ZNF438: variants seen among roughly 807,000 people sequenced by gnomAD.
ZNF438 encodes zinc finger protein 438.
Under a neutral mutation model 38.0 loss-of-function variants are expected in ZNF438, and 25 were observed. The observed-to-expected ratio is 0.66, with a 90% CI of 0.48 to 0.92. The LOEUF is 0.92. Ranked by LOEUF, ZNF438 falls within the 40% of genes least tolerant of loss-of-function variation. The pLI is 0.00. For synonymous variants in ZNF438, 372 were observed against 364.1 expected, an observed-to-expected ratio of 1.02 and a Z score of -0.25; for missense variants, 1,007 against 999.6, an observed-to-expected ratio of 1.01 and a Z score of -0.10.
chr10:30,992,030 T>C (rs2053556363), intron 1 of ZNF438, among the ~76,000 whole-genome samples: 1 of 152,186 alleles, frequency 6.6e-6, no homozygotes, highest in African/African-American at 2.4e-5. Flanking sequence ...CTTGCTTCGC[T>C]CAGGAGTGAC....
chr10:31,010,892 GAAAAAA>G (rs563189482), intron 1 of ZNF438, among the ~76,000 whole-genome samples: 39 of 92,580 alleles, frequency 4.2e-4, no homozygotes, highest in African/African-American at 1.4e-3. Flanking sequence ...GACCCTGTTT[GAAAAAA>G]AAAAAAAAAA....
intron 1 of ZNF438, among the ~76,000 whole-genome samples, chr10:30,977,169 G>C (rs2051459746): frequency 6.6e-6 from 1 of 152,062 alleles, no homozygotes; most frequent in Admixed American, 6.5e-5. Context: ...AGGAACTCTT[G>C]GCATGTAATC....
chr10:31,015,877 G>T (rs1368612279), intron 1 of ZNF438, among the ~76,000 whole-genome samples: 1 of 152,176 alleles, frequency 6.6e-6, no homozygotes, highest in East Asian at 1.9e-4. Context: ...CAGGTGAAAA[G>T]AGAGCTCTGG....
intron 4 of ZNF438, among the ~76,000 whole-genome samples, chr10:30,867,157 T>C (rs1260712873): frequency 6.6e-6 from 1 of 152,124 alleles, no homozygotes; most frequent in Non-Finnish European, 1.5e-5. Flanking sequence ...AATATCCCCT[T>C]CCTTTCTGAC....
At position 30,950,993 on chromosome 10, in the gene ZNF438, T is replaced by C. The variant is rs1253486769; in HGVS notation, c.-191-9342A>G. On this transcript the variant is annotated intron_variant, in intron 1 of 5. Transcript: ENST00000413025. ...TCCTTGATGAACATTGATGCAAAAATCCTCAATAAAATACTGGCAAAACGA... is the reference window on the plus strand; with the variant it reads ...TCCTTGATGAACATTGATGCAAAAACCCTCAATAAAATACTGGCAAAACGA... 2.9e-5 allele frequency among the ~76,000 whole-genome samples: 4 copies of C among 139,356 alleles called. No homozygotes were observed. The Admixed American group carries it at 2.9e-4, about 10-fold the overall frequency. 91.4% of individuals were successfully genotyped at this position (139,356 alleles called of 152,430 possible).
chr10:30,880,395 C>T (rs1440535600), intron 3 of ZNF438, among the ~76,000 whole-genome samples: 3 of 141,416 alleles, frequency 2.1e-5, no homozygotes, highest in Non-Finnish European at 4.5e-5. Flanking sequence ...TGTGCTATTG[C>T]ACTCCAGCCT....
intron 4 of ZNF438, among the ~76,000 whole-genome samples, chr10:30,866,845 A>AT (rs1308903678): frequency 7.0e-6 from 1 of 142,736 alleles, no homozygotes; most frequent in Non-Finnish European, 1.5e-5. Context: ...AAAAAAAAAA[A>AT]CCAAAAACGA....
rs116856909 is a variant in ZNF438, at chr10:30,930,558, G to A, written c.-115+11017C>T. ...GGACGCCATGGCCTGAGGAGGTGCC[G>A]AGAGCAAGCGAGGGCTGCTGGCATG... On this transcript the variant is annotated intron_variant, in intron 2 of 5. Coordinates refer to ENST00000413025, the Ensembl canonical transcript of ZNF438. Among the ~76,000 whole-genome samples, 64 of 152,016 alleles carry A rather than the reference G, an allele frequency of 4.2e-4. No individual in the cohort carries two copies. The East Asian group carries it at 8.6e-3, about 20-fold the overall frequency.
chr10:31,005,089 T>A (rs2054998027), intron 1 of ZNF438, among the ~76,000 whole-genome samples: 1 of 152,108 alleles, frequency 6.6e-6, no homozygotes, highest in Non-Finnish European at 1.5e-5. Context: ...ACCATATGAC[T>A]CAGCAATTCC....
intron 2 of ZNF438, among the ~76,000 whole-genome samples, chr10:30,939,160 ATAAAG>A (rs1158013524): frequency 6.6e-6 from 1 of 152,226 alleles, no homozygotes; most frequent in South Asian, 2.1e-4. Flanking sequence ...AGTATTAAGC[ATAAAG>A]TAGACACTCA....
intron 2 of ZNF438, among the ~76,000 whole-genome samples, chr10:30,910,606 A>AACTTTATATGTTAGTATTGATATAGCAC (rs2042979112): frequency 6.6e-6 from 1 of 151,618 alleles, no homozygotes; most frequent in African/African-American, 2.4e-5. Flanking sequence ...GGCAGAAAGC[A>AACTTTATATGTTAGTATTGATATAGCAC]ACTTTATATG....
intron 1 of ZNF438, among the ~76,000 whole-genome samples, chr10:30,995,383 A>G (rs2053941360): frequency 6.6e-6 from 1 of 152,226 alleles, no homozygotes; most frequent in African/African-American, 2.4e-5. Flanking sequence ...AAATACTGTG[A>G]ATTATGACTC....
intron 1 of ZNF438, among the ~76,000 whole-genome samples, chr10:31,021,732 C>T (rs144778019): frequency 4.1e-4 from 62 of 152,282 alleles, no homozygotes; most frequent in African/African-American, 1.5e-3. Flanking sequence ...ACACCAACAA[C>T]GCATTTGGCC....
At chr10:31,031,703 C>T (rs1047691980) in intron 1 of ZNF438, 130 bp downstream of exon 1, 2 of 152,866 alleles carry the variant, frequency 1.3e-5, no homozygotes, top group Non-Finnish European at 2.9e-5. Context: ...TGAGCAGACA[C>T]CTGTCCCTTC....
intron 1 of ZNF438, among the ~76,000 whole-genome samples, chr10:30,944,366 T>C (rs756484374): frequency 3.3e-5 from 5 of 152,232 alleles, no homozygotes; most frequent in Non-Finnish European, 7.3e-5. Flanking sequence ...ACTGACATTT[T>C]CGTTCTTATC....
intron 1 of ZNF438, among the ~76,000 whole-genome samples, chr10:31,028,456 A>C (rs1021281920): frequency 6.6e-6 from 1 of 152,208 alleles, no homozygotes; most frequent in Non-Finnish European, 1.5e-5. Flanking sequence ...AAATATAGTA[A>C]AATATGCATG....
intron 1 of ZNF438, among the ~76,000 whole-genome samples, chr10:30,958,702 G>C (rs2049138789): frequency 6.8e-6 from 1 of 146,646 alleles, no homozygotes; most frequent in Admixed American, 6.9e-5. Context: ...CAATTCCCTT[G>C]AGTTCATATG....
intron 1 of ZNF438, among the ~76,000 whole-genome samples, chr10:30,980,254 T>TAAAAAA (rs368647419): frequency 7.3e-6 from 1 of 136,268 alleles, no homozygotes. Flanking sequence ...TGTTTAACAT[T>TAAAAAA]AAAAAAAAAA....
chr10:31,000,403 C>G (rs1000486475), intron 1 of ZNF438, among the ~76,000 whole-genome samples: 1 of 152,150 alleles, frequency 6.6e-6, no homozygotes, highest in Admixed American at 6.6e-5. Context: ...TAACAAAATC[C>G]CTAGACAATT....
Sources: allele counts gnomAD v4.1 joint callset (sites outside exome capture counted in the v4.1 genomes callset), GRCh38; gene constraint gnomAD v4.1.1; transcripts MANE v1.5; gene names NCBI Gene and HGNC (gene_info 2026-07-23, HGNC 2026-07-21).